Variants in CTNNA2 observed in about 807,000 individuals in gnomAD.
CTNNA2 encodes the protein catenin alpha 2.
CTNNA2 carries 42 observed loss-of-function variants against 101.0 expected under a neutral mutation model. The observed-to-expected ratio is 0.42, with a 90% CI of 0.32 to 0.54. CTNNA2 has a LOEUF of 0.54. Ranked by LOEUF, CTNNA2 falls within the 20% of genes least tolerant of loss-of-function variation. The pLI, the probability that CTNNA2 is intolerant of heterozygous loss-of-function variation, is 0.14. For missense variants in CTNNA2, 871 were observed against 1,223.1 expected (o/e 0.71, Z 4.29); for synonymous variants, 450 against 456.4 (o/e 0.99, Z 0.18).
At chr2:79,912,073 G>A (rs1207572865) in intron 7 of CTNNA2, among the ~76,000 whole-genome samples, 3 of 152,128 alleles carry the variant, frequency 2.0e-5, no homozygotes, top group African/African-American at 7.2e-5. Context: ...TGAGAATAAA[G>A]GTATTATCAA....
chr2:80,324,781 A>G (rs1432254841), intron 7 of CTNNA2, among the ~76,000 whole-genome samples: 1 of 151,494 alleles, frequency 6.6e-6, no homozygotes, highest in Non-Finnish European at 1.5e-5. Context: ...TTCCAGACAC[A>G]CTCTTTCCTT....
chr2:79,566,600 G>C (rs1457137062), intron 1 of CTNNA2, among the ~76,000 whole-genome samples: 1 of 151,930 alleles, frequency 6.6e-6, no homozygotes, highest in Non-Finnish European at 1.5e-5. Context: ...TCTTGTTGTT[G>C]GCTCTGCACC....
intron 2 of CTNNA2, among the ~76,000 whole-genome samples, chr2:79,660,225 T>C (rs943989032): frequency 6.7e-6 from 1 of 148,870 alleles, no homozygotes; most frequent in Admixed American, 6.8e-5. Context: ...TATTTGTATA[T>C]ATGTATGTAT....
intron 11 of CTNNA2, among the ~76,000 whole-genome samples, 200 bp from the exon 12 acceptor site, chr2:80,555,493 C>A (rs886292082): frequency 2.6e-5 from 4 of 152,218 alleles, no homozygotes; most frequent in African/African-American, 9.6e-5. Context: ...CTATGTGATG[C>A]TACCAGCCCT....
chr2:80,132,641 G>A (rs1010118059), intron 7 of CTNNA2, among the ~76,000 whole-genome samples: 2 of 152,130 alleles, frequency 1.3e-5, no homozygotes, highest in Non-Finnish European at 2.9e-5. Context: ...TTGGAGAATG[G>A]GGGTGAGAGT....
Position 80,278,979 on chromosome 2 carries a change from C to T in CTNNA2, c.1057-114232C>T, listed in dbSNP as rs575005008. Among the ~76,000 whole-genome samples the T allele has an allele frequency of 4.0e-5, 6 of 150,050 alleles. No homozygotes were observed. In the South Asian group the frequency reaches 8.5e-4, roughly 21 times the overall value. On this transcript the variant is annotated intron_variant, in intron 7 of 18. Coordinates refer to ENST00000402739, the MANE Select transcript of CTNNA2 (RefSeq NM_001282597.3). ...GACTCTGTCTCTTACAAAAAAATTGCCAGTGGAGAATGGATTATTCTATTG... is the reference window on the plus strand; with the variant it reads ...GACTCTGTCTCTTACAAAAAAATTGTCAGTGGAGAATGGATTATTCTATTG...
At chr2:79,656,938 C>G (rs1052327298) in intron 2 of CTNNA2, among the ~76,000 whole-genome samples, 4 of 151,634 alleles carry the variant, frequency 2.6e-5, no homozygotes, top group Non-Finnish European at 5.9e-5. Context: ...AAAAGAAGAT[C>G]CCTTCCTAAC....
At chr2:79,991,319 TATTCA>T (rs1692161784) in intron 7 of CTNNA2, among the ~76,000 whole-genome samples, 1 of 152,188 alleles carries the variant, frequency 6.6e-6, no homozygotes, top group Admixed American at 6.5e-5. Context: ...GGAATTGAAG[TATTCA>T]GATAAATTTC....
At chr2:79,853,150 G>T (rs1680860001) in intron 3 of CTNNA2, among the ~76,000 whole-genome samples, 1 of 152,022 alleles carries the variant, frequency 6.6e-6, no homozygotes, top group Non-Finnish European at 1.5e-5. Context: ...TTACAGGTGT[G>T]AGCCACTGCA....
intron 7 of CTNNA2, among the ~76,000 whole-genome samples, chr2:80,189,910 C>T (rs1706375620): frequency 6.6e-6 from 1 of 151,934 alleles, no homozygotes; most frequent in East Asian, 1.9e-4. Context: ...GTGTTTAATC[C>T]TCAGTTAATC....
intron 4 of CTNNA2, among the ~76,000 whole-genome samples, chr2:79,425,749 C>T (rs138064665): frequency 8.4e-4 from 128 of 152,218 alleles, no homozygotes; most frequent in African/African-American, 2.6e-3. Flanking sequence ...GATTTGCTTG[C>T]GTAATTATAT....
At chr2:79,453,085 A>ATGCC (rs1386779190) in intron 4 of CTNNA2, among the ~76,000 whole-genome samples, 2 of 152,176 alleles carry the variant, frequency 1.3e-5, no homozygotes, top group African/African-American at 4.8e-5. Flanking sequence ...CACTTTGGGA[A>ATGCC]TGCCTGTGTA....
intron 2 of CTNNA2, among the ~76,000 whole-genome samples, chr2:79,290,571 G>A (rs902543316): frequency 5.3e-5 from 8 of 152,078 alleles, no homozygotes; most frequent in African/African-American, 1.4e-4. Flanking sequence ...ACTCATCGTC[G>A]AGAGGAACAC....
At chr2:80,395,576 A>G (rs557400684) in intron 8 of CTNNA2, among the ~76,000 whole-genome samples, 7 of 152,296 alleles carry the variant, frequency 4.6e-5, no homozygotes, top group Non-Finnish European at 8.8e-5. Context: ...GGAACATGCA[A>G]TGACTAATTT....
At chr2:80,566,072 C>T (rs1694036014) in intron 12 of CTNNA2, among the ~76,000 whole-genome samples, 1 of 152,128 alleles carries the variant, frequency 6.6e-6, no homozygotes, top group African/African-American at 2.4e-5. Context: ...AATATTTTTA[C>T]TTAGGGCATA....
intron 7 of CTNNA2, among the ~76,000 whole-genome samples, chr2:80,170,932 C>T (rs750592575): frequency 2.6e-5 from 4 of 152,052 alleles, no homozygotes; most frequent in Non-Finnish European, 5.9e-5. Context: ...TAGTATCTGC[C>T]TAAACAGGGA....
intron 9 of CTNNA2, among the ~76,000 whole-genome samples, chr2:80,447,950 G>A (rs1454729060): frequency 6.6e-6 from 1 of 152,172 alleles, no homozygotes; most frequent in East Asian, 1.9e-4. Context: ...TTTGAAAGAA[G>A]AACTAGACAG....
intron 2 of CTNNA2, among the ~76,000 whole-genome samples, chr2:79,739,234 C>T (rs1671114383): frequency 6.6e-6 from 1 of 152,002 alleles, no homozygotes; most frequent in African/African-American, 2.4e-5. Flanking sequence ...TAACATTCAA[C>T]CAAGGATTTC....
chr2:79,385,448 T>C (rs917070026), intron 4 of CTNNA2, among the ~76,000 whole-genome samples: 2 of 152,208 alleles, frequency 1.3e-5, no homozygotes, highest in African/African-American at 4.8e-5. Flanking sequence ...TCACTGCATG[T>C]ATATATGCAC....
Sources: allele counts gnomAD v4.1 joint callset (sites outside exome capture counted in the v4.1 genomes callset), GRCh38; gene constraint gnomAD v4.1.1; transcripts MANE v1.5; gene names NCBI Gene and HGNC (gene_info 2026-07-23, HGNC 2026-07-21).